Variants in UBR4 observed in about 807,000 individuals in gnomAD.
UBR4 encodes the protein E3 ubiquitin-protein ligase UBR4.
UBR4 carries 124 observed loss-of-function variants against 575.6 expected under a neutral mutation model. The observed-to-expected ratio is 0.22, with a 90% CI of 0.19 to 0.25. The LOEUF is 0.25. UBR4 is among the 10% of genes least tolerant of loss of function. The pLI is 1.00. For missense variants in UBR4, 4,818 were observed against 6,478.8 expected (o/e 0.74, Z 8.80); for synonymous variants, 2,455 against 2,473.7 (o/e 0.99, Z 0.22).
chr1:19,171,215 A>C (rs551587205), intron 25 of UBR4, among the ~76,000 whole-genome samples: 2 of 81,314 alleles, frequency 2.5e-5, no homozygotes, highest in Non-Finnish European at 4.7e-5. Flanking sequence ...AAACAAAACA[A>C]AACAAAAAAA....
intron 10 of UBR4, 27 bp downstream of exon 10, chr1:19,192,454 T>G (rs767638040): frequency 1.2e-6 from 2 of 1,614,052 alleles, no homozygotes; most frequent in Non-Finnish European, 8.5e-7. Context: ...ATAGGAAGTA[T>G]GCAGCAGAGA....
chr1:19,209,794 C>T (rs1289127953), intron 1 of UBR4, among the ~76,000 whole-genome samples: 2 of 152,182 alleles, frequency 1.3e-5, no homozygotes, highest in Non-Finnish European at 2.9e-5. Flanking sequence ...CTTAAGAGGG[C>T]GAATGCATCT....
In UBR4 at chr1:19,128,174, A is replaced by G. The variant is rs1239483032; in HGVS notation, c.9111+37T>C. ...GGAACCTGAGAAAGGATCTCAGCCA[A>G]TCCTGTTTCTCACACAGTCTGCCTC... On this transcript the variant is annotated intron_variant, in intron 62 of 105. Transcript: ENST00000375254. 7.6e-6 allele frequency: 12 copies of G among 1,586,854 alleles called. No individual in the cohort carries two copies. In the East Asian group the frequency reaches 1.1e-4, roughly 15 times the overall value.
At chr1:19,087,696 TA>T in intron 99 of UBR4, 119 bp downstream of exon 99, 1 of 721,962 alleles carries the variant, frequency 1.4e-6, no homozygotes, top group Non-Finnish European at 2.3e-6. Context: ...GTTAATCTCC[TA>T]AGATGCAGGC....
At chr1:19,160,070 GT>G in intron 39 of UBR4, 40 bp downstream of exon 39, 1 of 1,590,364 alleles carries the variant, frequency 6.3e-7, no homozygotes, top group Non-Finnish European at 8.6e-7. Flanking sequence ...AAATTTGTTG[GT>G]TCCCACAGCC....
chr1:19,163,741 T>C (rs2087794452), intron 34 of UBR4, 23 bp downstream of exon 34: 1 of 1,612,860 alleles, frequency 6.2e-7, no homozygotes, highest in Non-Finnish European at 8.5e-7. Context: ...TCACCCCCCA[T>C]TGTCATTCCT....
At chr1:19,175,703 A>T (rs939294916) in intron 20 of UBR4, among the ~76,000 whole-genome samples, 2 of 152,200 alleles carry the variant, frequency 1.3e-5, no homozygotes, top group African/African-American at 4.8e-5. Context: ...AAATAAGGAA[A>T]ATTAATGACA....
Position 19,078,089 on chromosome 1 carries a change from A to C in UBR4, c.15234-23T>G, listed in dbSNP as rs781277070. 14 of 1,611,468 alleles carry C rather than the reference A, an allele frequency of 8.7e-6. No homozygotes were observed. In the Middle Eastern group the frequency reaches 9.9e-4, roughly 114 times the overall value. ...AGCCTGGAAAAGAAAATCCAGTTCCATCACATGAAGTCCCTAGGAGGATAC... is the reference window on the plus strand; with the variant it reads ...AGCCTGGAAAAGAAAATCCAGTTCCCTCACATGAAGTCCCTAGGAGGATAC... On this transcript the variant is annotated intron_variant, in intron 103 of 105. Transcript: ENST00000375254.
At chr1:19,146,574 A>T (rs905949444) in intron 52 of UBR4, among the ~76,000 whole-genome samples, 2 of 152,248 alleles carry the variant, frequency 1.3e-5, no homozygotes, top group African/African-American at 4.8e-5. Context: ...AACTTCAGAG[A>T]CAGATTATAT....
chr1:19,082,140 G>A (rs183734489), intron 102 of UBR4: 121 of 261,804 alleles, frequency 4.6e-4, no homozygotes, highest in Middle Eastern at 2.5e-3. Flanking sequence ...GGATCCTCCC[G>A]CCTTCGTTAG....
chr1:19,088,828 C>A lies in UBR4; in HGVS notation c.14361G>T (p.Glu4787Asp). 4 of 1,614,082 alleles carry A rather than the reference C, an allele frequency of 2.5e-6. No individual in the cohort carries two copies. The South Asian group carries it at 4.4e-5, about 18-fold the overall frequency. The part of the protein sequence containing the change: ...VNKKIDAARR[E>D]TRAEKKRMAM... ...CCATGCGCTTCTTCTCTGCCCGGGT[C>A]TCCCTGCGGGCTGCGTCAATCTTCT... The change falls in exon 98 of 106, where the codon GAG becomes GAT. Residue 4787 changes from glutamate (E) to aspartate (D), a missense_variant. This residue lies in a region of UBR4 where 196 missense variants were observed against 386.8 expected (regional missense o/e 0.51). Coordinates refer to ENST00000375254, the MANE Select transcript of UBR4 (RefSeq NM_020765.3). This position sits in a 1 kb window ranked among gnomAD's most constrained non-coding sequence, Gnocchi z 4.0.
chr1:19,160,309 T>TG (rs774482955), intron 38 of UBR4, 28 bp from the exon 39 acceptor site: 37 of 1,398,952 alleles, frequency 2.6e-5, no homozygotes, highest in Non-Finnish European at 2.4e-5. Context: ...AATACACCAG[T>TG]GAAAAAAAAA....
intron 105 of UBR4, among the ~76,000 whole-genome samples, chr1:19,076,200 G>A (rs1297279283): frequency 6.6e-6 from 1 of 152,208 alleles, no homozygotes; most frequent in Non-Finnish European, 1.5e-5. Flanking sequence ...CTAGCAGTAG[G>A]ATAAGGAATT....
intron 8 of UBR4, among the ~76,000 whole-genome samples, chr1:19,196,515 T>G (rs1229531740): frequency 2.0e-5 from 3 of 152,192 alleles, no homozygotes; most frequent in Non-Finnish European, 4.4e-5. Context: ...TGATCTGGGC[T>G]AAAAAGTCCT....
intron 17 of UBR4, among the ~76,000 whole-genome samples, chr1:19,181,944 T>C (rs1020806071): frequency 6.6e-6 from 1 of 152,132 alleles, no homozygotes; most frequent in Non-Finnish European, 1.5e-5. Flanking sequence ...CTGTACCCAC[T>C]AAACACCAAG....
In UBR4 at chr1:19,114,020, A is replaced by G. The variant is rs747746261; in HGVS notation, c.11253T>C (p.His3751=). 6.2e-7 allele frequency: 1 copy of G among 1,614,200 alleles called. No individual in the cohort carries two copies. Among genetic ancestry groups the G allele is most frequent in the Non-Finnish European group, 8.5e-7 (1 of 1,180,034 alleles). Residue 3751 remains histidine, a synonymous_variant, in exon 76 of 106, where the codon CAT becomes CAC. Transcript: ENST00000375254. ...GCTGTGGCCGGTGTCCCATCAGCTG[A>G]TGATACACTCGATCAGCTTTGTCCA... is the stretch of plus-strand genomic sequence containing the variant. ...TLLDKADRVY[H]QLMGHRPQLE...
chr1:19,178,951 T>C (rs1026561380), intron 18 of UBR4, 100 bp downstream of exon 18: 2 of 1,440,472 alleles, frequency 1.4e-6, no homozygotes, highest in Non-Finnish European at 1.9e-6. Flanking sequence ...AACATTATCA[T>C]TACAGCAAAG....
rs768156123 is a variant in UBR4, at chr1:19,145,866, C to G, written c.7872G>C (p.Gln2624His). The change falls in exon 53 of 106, where the codon CAG becomes CAC. Residue 2624 changes from glutamine to histidine, a missense_variant. This residue lies in a region of UBR4 where 340 missense variants were observed against 375.4 expected (regional missense o/e 0.91). Coordinates refer to ENST00000375254, the MANE Select transcript of UBR4 (RefSeq NM_020765.3). The part of the protein sequence containing the change: ...LEGDCCSFIT[Q>H]LVNHFWKLHA... Reference sequence around the variant, plus strand: ...GGAGTTTCCAGAAGTGGTTCACAAGCTGGGTGATGAAACTACAGCAATCTC... The same window carrying G: ...GGAGTTTCCAGAAGTGGTTCACAAGGTGGGTGATGAAACTACAGCAATCTC... 3 of 1,614,186 alleles carry G rather than the reference C, an allele frequency of 1.9e-6. No homozygotes were observed. In the Admixed American group the frequency reaches 5.0e-5, roughly 27 times the overall value.
At position 19,119,599 on chromosome 1, in the gene UBR4, T is replaced by C. The variant is rs779435719; in HGVS notation, c.10413A>G (p.Leu3471=). The change falls in exon 70 of 106, where the codon CTA becomes CTG. Residue 3471 remains leucine, a synonymous_variant. Transcript: ENST00000375254. ...YGRKAAQFVD[L]LGYFSLKTPQ... ...GAGTTTTCAGGGAGAAATATCCTAG[T>C]AGGTCCACAAACTGGGCAGCCTTAC... The C allele has an allele frequency of 1.9e-6, 3 of 1,614,084 alleles. No homozygotes were observed. Among genetic ancestry groups the C allele is most frequent in the East Asian group, 4.5e-5 (2 of 44,882 alleles).
Sources: gnomAD v4.1 joint callset for allele counts (sites outside exome capture counted in the v4.1 genomes callset) on GRCh38, gnomAD v4.1.1 for gene constraint, gnomAD v4.1.1 regional missense constraint, Gnocchi (gnomAD v3.1) non-coding constraint, MANE v1.5 for transcripts, NCBI Gene and HGNC (gene_info 2026-07-23, HGNC 2026-07-21) for gene names.